TULP4: variants seen among roughly 807,000 people sequenced by gnomAD.
TULP4 encodes the protein tubby-related protein 4.
A neutral mutation model predicts 129.0 loss-of-function variants in TULP4; 16 were observed. The ratio of observed to expected loss-of-function variants is 0.12; its 90% confidence interval spans 0.08 to 0.19. TULP4 has a LOEUF of 0.19. TULP4 is among the 10% of genes least tolerant of loss of function. TULP4 has a pLI of 1.00. For synonymous variants in TULP4, 998 were observed against 854.0 expected, an observed-to-expected ratio of 1.17 and a Z score of -2.94; for missense variants, 1,842 against 2,059.1, an observed-to-expected ratio of 0.89 and a Z score of 2.04.
chr6:158,310,868 G>A (rs984118273), upstream of TULP4, among the ~76,000 whole-genome samples: 4 of 152,140 alleles, frequency 2.6e-5, no homozygotes, highest in Admixed American at 6.5e-5. Flanking sequence ...TGGGACACAA[G>A]GGTATTAAAA....
intron 1 of TULP4, among the ~76,000 whole-genome samples, chr6:158,257,787 A>G (rs748203330): frequency 3.9e-5 from 6 of 152,138 alleles, no homozygotes; most frequent in Non-Finnish European, 8.8e-5. Context: ...CCCCCATATT[A>G]TACTCTCAAA....
chr6:158,419,818 TA>T (rs1358802640), intron 2 of TULP4, among the ~76,000 whole-genome samples: 1 of 152,182 alleles, frequency 6.6e-6, no homozygotes, highest in Admixed American at 6.5e-5. Flanking sequence ...AGCATCACAA[TA>T]AGTGAAGGAA....
intron 1 of TULP4, among the ~76,000 whole-genome samples, chr6:158,287,145 G>T (rs2128468999): frequency 6.6e-6 from 1 of 152,308 alleles, no homozygotes; most frequent in South Asian, 2.1e-4. Context: ...GTGAAGAGGA[G>T]AGGCCAACCT....
intron 8 of TULP4, among the ~76,000 whole-genome samples, chr6:158,482,936 T>C (rs901192019): frequency 7.2e-5 from 11 of 152,214 alleles, no homozygotes; most frequent in African/African-American, 2.4e-4. Flanking sequence ...GTTTATCAGC[T>C]CGTATCAAAC....
chr6:158,272,529 G>A (rs943177839), intron 1 of TULP4, among the ~76,000 whole-genome samples: 5 of 152,150 alleles, frequency 3.3e-5, no homozygotes, highest in African/African-American at 1.2e-4. Flanking sequence ...TCACAAGGGA[G>A]GAGGAAACTA....
chr6:158,437,837 G>A (rs2115086520), intron 3 of TULP4: 1 of 152,330 alleles, frequency 6.6e-6, no homozygotes, highest in Non-Finnish European at 1.5e-5. Flanking sequence ...CAGCTACTCA[G>A]GAGGCTAAGG....
At chr6:158,497,725 C>G (rs1212140310) in intron 11 of TULP4, among the ~76,000 whole-genome samples, 1 of 152,240 alleles carries the variant, frequency 6.6e-6, no homozygotes, top group Non-Finnish European at 1.5e-5. Context: ...TAGGGCCTTT[C>G]CTGCTATTGG....
intron 1 of TULP4, among the ~76,000 whole-genome samples, chr6:158,258,954 G>GT (rs1208712659): frequency 1.3e-5 from 2 of 152,342 alleles, no homozygotes; most frequent in East Asian, 3.9e-4. Context: ...AATTTGCCAG[G>GT]TATAGTGGCT....
intron 1 of TULP4, among the ~76,000 whole-genome samples, chr6:158,348,466 CAT>C (rs1294321518): frequency 1.3e-5 from 2 of 152,018 alleles, no homozygotes; most frequent in African/African-American, 4.8e-5. Flanking sequence ...TGACACAGCA[CAT>C]GTTTCAGAGA....
chr6:158,273,873 C>T (rs1420592175), intron 1 of TULP4, among the ~76,000 whole-genome samples: 2 of 152,192 alleles, frequency 1.3e-5, no homozygotes, highest in African/African-American at 4.8e-5. Flanking sequence ...ATCATAGATT[C>T]ATGAGGTAGA....
intron 1 of TULP4, among the ~76,000 whole-genome samples, chr6:158,250,874 G>A (rs1364609376): frequency 1.3e-5 from 2 of 152,212 alleles, no homozygotes; most frequent in Non-Finnish European, 2.9e-5. Flanking sequence ...TATCAGGTGA[G>A]TGATACCAGT....
At chr6:158,485,084 C>T (rs1488943623) in intron 8 of TULP4, among the ~76,000 whole-genome samples, 1 of 152,152 alleles carries the variant, frequency 6.6e-6, no homozygotes, top group East Asian at 1.9e-4. Context: ...ATACTGAAAA[C>T]TGGATGAAAG....
chr6:158,252,990 A>G (rs1250660085), intron 1 of TULP4, among the ~76,000 whole-genome samples: 2 of 152,228 alleles, frequency 1.3e-5, no homozygotes, highest in Non-Finnish European at 2.9e-5. Context: ...TATTAGACGC[A>G]TCTGCTCCAT....
chr6:158,385,084 T>C (rs1396702526), intron 1 of TULP4, among the ~76,000 whole-genome samples: 1 of 152,150 alleles, frequency 6.6e-6, no homozygotes, highest in African/African-American at 2.4e-5. Flanking sequence ...CCCACGTCAG[T>C]GTGTTGATGC....
At chr6:158,462,747 C>CTT (rs56829575) in intron 6 of TULP4, among the ~76,000 whole-genome samples, 20 of 127,866 alleles carry the variant, frequency 1.6e-4, no homozygotes, top group South Asian at 4.9e-4. Flanking sequence ...TTTTTTTTTC[C>CTT]TTTTTTTTTT....
At chr6:158,360,422 A>G (rs1490208126) in intron 1 of TULP4, among the ~76,000 whole-genome samples, 1 of 152,144 alleles carries the variant, frequency 6.6e-6, no homozygotes, top group African/African-American at 2.4e-5. Flanking sequence ...TCTGCCCAAG[A>G]GGCTGTATTC....
chr6:158,238,354 GA>G (rs1777762322), intron 1 of TULP4: 1 of 737,946 alleles, frequency 1.4e-6, no homozygotes, highest in Admixed American at 2.0e-5. Flanking sequence ...TAAACTGGCA[GA>G]TATTTTGAGG....
chr6:158,419,366 A>G (rs1474746138), intron 2 of TULP4, among the ~76,000 whole-genome samples: 2 of 152,252 alleles, frequency 1.3e-5, no homozygotes, highest in African/African-American at 4.8e-5. Context: ...GTTTGTAGCT[A>G]TAAGCAACAT....
chr6:158,447,596 T>C (rs1193426502), intron 3 of TULP4, among the ~76,000 whole-genome samples: 1 of 152,206 alleles, frequency 6.6e-6, no homozygotes, highest in Admixed American at 6.5e-5. Context: ...CGTTTAGCAA[T>C]AAATATTTAC....
Sources: gnomAD v4.1 joint callset for allele counts (sites outside exome capture counted in the v4.1 genomes callset) on GRCh38, gnomAD v4.1.1 for gene constraint, MANE v1.5 for transcripts, NCBI Gene and HGNC (gene_info 2026-07-23, HGNC 2026-07-21) for gene names.